The following PLCB1 variants were observed in gnomAD, a reference collection of about 807,000 sequenced individuals.
PLCB1 encodes 1-phosphatidylinositol 4,5-bisphosphate phosphodiesterase beta-1.
PLCB1 carries 46 observed loss-of-function variants against 161.8 expected under a neutral mutation model. The observed-to-expected ratio is 0.28, with a 90% CI of 0.22 to 0.36. The LOEUF (loss-of-function observed/expected upper bound fraction) is 0.36, where lower values mean the gene tolerates loss of function less well. Ranked by LOEUF, PLCB1 falls within the 10% of genes least tolerant of loss-of-function variation. PLCB1 has a pLI of 1.00. For synonymous variants in PLCB1, 517 were observed against 503.7 expected (o/e 1.03, Z -0.35); for missense variants, 1,016 against 1,472.5 (o/e 0.69, Z 5.07).
Position 8,346,386 on chromosome 20 carries a change from T to C in PLCB1, c.178-24996T>C, listed in dbSNP as rs192439338. Among the ~76,000 whole-genome samples, 20 of 152,344 alleles carry C rather than the reference T, an allele frequency of 1.3e-4. No individual in the cohort carries two copies. In the East Asian group the frequency reaches 3.3e-3, roughly 25 times the overall value. ...TGATTTTGACATTTTAAGAATGTTA[T>C]GTTGACCTTGTTCTTGATCAGTCAT... On this transcript the variant is annotated intron_variant, in intron 2 of 31. Coordinates refer to ENST00000338037, the MANE Select transcript of PLCB1 (RefSeq NM_015192.4).
At chr20:8,376,742 C>A (rs562107987) in intron 3 of PLCB1, among the ~76,000 whole-genome samples, 12 of 152,096 alleles carry the variant, frequency 7.9e-5, no homozygotes, top group East Asian at 1.9e-4. Context: ...TCCTGGCTAA[C>A]ACAGTGAAAC....
intron 2 of PLCB1, among the ~76,000 whole-genome samples, chr20:8,350,148 GTGTGC>G (rs1986136187): frequency 6.6e-6 from 1 of 152,170 alleles, no homozygotes; most frequent in Non-Finnish European, 1.5e-5. Flanking sequence ...ACAGGTAAAT[GTGTGC>G]TATGGTGGTT....
intron 9 of PLCB1, among the ~76,000 whole-genome samples, chr20:8,663,856 A>C (rs1039105675): frequency 6.6e-6 from 1 of 152,146 alleles, no homozygotes; most frequent in African/African-American, 2.4e-5. Flanking sequence ...TCTTCCAAAC[A>C]AAATGTTCAT....
At position 8,765,375 on chromosome 20, in the gene PLCB1, T is replaced by G. The variant is rs754899592; in HGVS notation, c.2930+17T>G. On this transcript the variant is annotated intron_variant, in intron 26 of 31. Coordinates refer to ENST00000338037, the MANE Select transcript of PLCB1 (RefSeq NM_015192.4). ...TAAGAAAAAGTAAGTTCAATGAATATTTTTAGTTGGTTTCATAGCATGAAG... is the reference window on the plus strand; with the variant it reads ...TAAGAAAAAGTAAGTTCAATGAATAGTTTTAGTTGGTTTCATAGCATGAAG... The G allele has an allele frequency of 3.4e-5, 53 of 1,560,574 alleles. No homozygotes were observed. The South Asian group carries it at 4.8e-4, about 14-fold the overall frequency.
At chr20:8,341,233 C>G (rs1326478137) in intron 2 of PLCB1, among the ~76,000 whole-genome samples, 2 of 152,148 alleles carry the variant, frequency 1.3e-5, no homozygotes, top group African/African-American at 4.8e-5. Flanking sequence ...TTGCTGCTCT[C>G]CTGTACAGCC....
chr20:8,863,859 A>T (rs1421830414), intron 31 of PLCB1, among the ~76,000 whole-genome samples: 1 of 147,424 alleles, frequency 6.8e-6, no homozygotes, highest in African/African-American at 2.5e-5. Context: ...TTATACTTAT[A>T]ATCATTTTTT....
At chr20:8,674,453 C>T (rs1990026813) in intron 9 of PLCB1, among the ~76,000 whole-genome samples, 1 of 152,178 alleles carries the variant, frequency 6.6e-6, no homozygotes, top group Non-Finnish European at 1.5e-5. Flanking sequence ...GGAATCTGGT[C>T]CAAGCTGGTA....
chr20:8,506,744 G>A (rs912392000), intron 3 of PLCB1, among the ~76,000 whole-genome samples: 8 of 152,150 alleles, frequency 5.3e-5, no homozygotes, highest in South Asian at 2.1e-4. Context: ...ACCCTTTACC[G>A]CAGTTTATCT....
At chr20:8,646,897 A>G (rs1457899031) in intron 5 of PLCB1, among the ~76,000 whole-genome samples, 1 of 152,196 alleles carries the variant, frequency 6.6e-6, no homozygotes, top group Non-Finnish European at 1.5e-5. Context: ...AATCAAAACC[A>G]CAAGTAGAAA....
chr20:8,445,282 A>G (rs1980769107), intron 3 of PLCB1, among the ~76,000 whole-genome samples: 1 of 152,192 alleles, frequency 6.6e-6, no homozygotes, highest in African/African-American at 2.4e-5. Flanking sequence ...AGGTTTTCCC[A>G]GCACCGTTTA....
chr20:8,533,776 A>G (rs1328801992), intron 3 of PLCB1, among the ~76,000 whole-genome samples: 1 of 151,840 alleles, frequency 6.6e-6, no homozygotes, highest in Non-Finnish European at 1.5e-5. Flanking sequence ...CCTTTGTCAG[A>G]TGAGTAGGTT....
intron 3 of PLCB1, among the ~76,000 whole-genome samples, chr20:8,430,844 G>C (rs1980008025): frequency 6.6e-6 from 1 of 152,036 alleles, no homozygotes; most frequent in Non-Finnish European, 1.5e-5. Flanking sequence ...TTTAGTCCTA[G>C]CTACTCAGGA....
At chr20:8,280,588 G>A (rs1040393851) in intron 2 of PLCB1, among the ~76,000 whole-genome samples, 3 of 152,054 alleles carry the variant, frequency 2.0e-5, no homozygotes, top group African/African-American at 7.2e-5. Context: ...AGCCTTCCAG[G>A]AAATGTAAAT....
chr20:8,328,158 T>C (rs1985228700), intron 2 of PLCB1, among the ~76,000 whole-genome samples: 1 of 152,164 alleles, frequency 6.6e-6, no homozygotes, highest in Admixed American at 6.5e-5. Context: ...AGCATCATAT[T>C]GGCACTCAAA....
intron 31 of PLCB1, among the ~76,000 whole-genome samples, chr20:8,842,535 G>C (rs1032562563): frequency 6.6e-6 from 1 of 152,104 alleles, no homozygotes; most frequent in Non-Finnish European, 1.5e-5. Context: ...AGGACGAGCC[G>C]CAGACAAGAA....
chr20:8,195,185 T>A (rs989299557), intron 2 of PLCB1, among the ~76,000 whole-genome samples: 7 of 152,144 alleles, frequency 4.6e-5, no homozygotes, highest in African/African-American at 1.7e-4. Flanking sequence ...TAGAAAATCT[T>A]TTAGGAAAAT....
chr20:8,354,794 C>T (rs1473603622), intron 2 of PLCB1, among the ~76,000 whole-genome samples: 3 of 152,164 alleles, frequency 2.0e-5, no homozygotes, highest in Non-Finnish European at 4.4e-5. Context: ...TATTATTTCT[C>T]ACTACAGAGC....
At chr20:8,847,305 A>G (rs1456883578) in intron 31 of PLCB1, among the ~76,000 whole-genome samples, 1 of 152,110 alleles carries the variant, frequency 6.6e-6, no homozygotes, top group African/African-American at 2.4e-5. Flanking sequence ...ACCCACTCCT[A>G]TACTTTCTTG....
chr20:8,408,643 A>G (rs926048925), intron 3 of PLCB1, among the ~76,000 whole-genome samples: 3 of 152,228 alleles, frequency 2.0e-5, no homozygotes, highest in African/African-American at 7.2e-5. Flanking sequence ...CATATTTAAT[A>G]CAATGATTCT....
Sources: gnomAD v4.1 joint callset for allele counts (sites outside exome capture counted in the v4.1 genomes callset) on GRCh38, gnomAD v4.1.1 for gene constraint, MANE v1.5 for transcripts, NCBI Gene and HGNC (gene_info 2026-07-23, HGNC 2026-07-21) for gene names.